FAM177A1: variants seen among roughly 807,000 people sequenced by gnomAD.
FAM177A1 encodes the protein protein FAM177A1.
Under a neutral mutation model 26.1 loss-of-function variants are expected in FAM177A1, and 22 were observed. The ratio of observed to expected loss-of-function variants is 0.84; its 90% CI spans 0.60 to 1.20. The LOEUF is 1.20. Ranked by LOEUF, FAM177A1 falls within the 50% of genes most tolerant of loss-of-function variation. FAM177A1 has a pLI of 0.00. For synonymous variants in FAM177A1, 95 were observed against 99.3 expected (o/e 0.96, Z 0.26); for missense variants, 296 against 291.1 (o/e 1.02, Z -0.12).
intron 3 of FAM177A1, among the ~76,000 whole-genome samples, chr14:35,078,580 G>A (rs1263983305): frequency 2.0e-5 from 3 of 152,134 alleles, no homozygotes; most frequent in Non-Finnish European, 4.4e-5. Flanking sequence ...TTGAAGTCCT[G>A]ACCTCATGTG....
intron 2 of FAM177A1, among the ~76,000 whole-genome samples, chr14:35,072,449 C>T (rs2045336993): frequency 6.6e-6 from 1 of 152,102 alleles, no homozygotes; most frequent in Non-Finnish European, 1.5e-5. Context: ...TTAGGCATGG[C>T]AGGAGGTGGA....
chr14:35,053,942 A>G (rs2045019382), intron 2 of FAM177A1, among the ~76,000 whole-genome samples: 1 of 152,120 alleles, frequency 6.6e-6, no homozygotes, highest in Admixed American at 6.6e-5. Flanking sequence ...GCGGTGAACC[A>G]AGGTTATGCC....
Position 35,051,618 on chromosome 14 carries a change from G to A in FAM177A1, c.166-1660G>A, listed in dbSNP as rs568695153. 1.3e-4 allele frequency among the ~76,000 whole-genome samples: 20 copies of A among 152,208 alleles called. No individual in the cohort carries two copies. The East Asian group carries it at 3.5e-3, about 26-fold the overall frequency. ...AGTAAAGTTGGGGTTTTGCCATGTT[G>A]GCCAGCCTGGTCTCGAACTCCTCAC... On this transcript the variant is annotated intron_variant, in intron 1 of 4. Coordinates refer to ENST00000280987, the MANE Select transcript of FAM177A1 (RefSeq NM_173607.5).
intron 2 of FAM177A1, among the ~76,000 whole-genome samples, chr14:35,070,114 C>CAAAAAAAAAAAAAAA (rs746133319): frequency 2.0e-4 from 11 of 53,822 alleles, no homozygotes; most frequent in African/African-American, 4.1e-4. Context: ...GACTCTGTCT[C>CAAAAAAAAAAAAAAA]AAAAAAAAAA....
At chr14:35,068,737 C>G (rs530440310) in intron 2 of FAM177A1, among the ~76,000 whole-genome samples, 1 of 152,306 alleles carries the variant, frequency 6.6e-6, no homozygotes, top group African/African-American at 2.4e-5. Context: ...TGGAATACCA[C>G]AGACTGGGTA....
intron 2 of FAM177A1, among the ~76,000 whole-genome samples, chr14:35,065,440 T>C (rs1441000778): frequency 6.6e-6 from 1 of 150,504 alleles, no homozygotes; most frequent in East Asian, 2.0e-4. Context: ...AACCAAAGAC[T>C]TCCACCTGAA....
At chr14:35,068,419 C>T (rs2045271002) in intron 2 of FAM177A1, among the ~76,000 whole-genome samples, 2 of 152,174 alleles carry the variant, frequency 1.3e-5, no homozygotes, top group Admixed American at 1.3e-4. Flanking sequence ...TGTACTTTGG[C>T]ATGTATGCAC....
rs140572611 is a variant in FAM177A1, at chr14:35,063,004, G to T, written c.339+9553G>T. 1.6e-3 allele frequency among the ~76,000 whole-genome samples: 245 copies of T among 149,572 alleles called. 1 individual carries two copies. The highest frequency in any genetic ancestry group is 5.8e-3 in the African/African-American group (239 of 40,910). On this transcript the variant is annotated intron_variant, in intron 2 of 4. Transcript: ENST00000280987. ...ATCATTTAAAAAAAAAAAAAGGTCG[G>T]GTGCGGTGGACCACGCCTGTAATCC...
chr14:35,066,418 T>C (rs1485260560), intron 2 of FAM177A1, among the ~76,000 whole-genome samples: 6 of 149,402 alleles, frequency 4.0e-5, no homozygotes, highest in Non-Finnish European at 8.9e-5. Flanking sequence ...TTTTTTTTTT[T>C]TTTTTGAGAC....
chr14:35,064,564 TA>T (rs763167565), intron 2 of FAM177A1, among the ~76,000 whole-genome samples: 3 of 152,152 alleles, frequency 2.0e-5, no homozygotes, highest in Admixed American at 6.6e-5. Context: ...AATTTATACT[TA>T]GGAAATGTGA....
At chr14:35,079,208 A>G (rs1385664185) in intron 4 of FAM177A1, among the ~76,000 whole-genome samples, 184 bp downstream of exon 4, 1 of 152,148 alleles carries the variant, frequency 6.6e-6, no homozygotes, top group Non-Finnish European at 1.5e-5. Context: ...TTTAAACTGG[A>G]ATTTTCCTAT....
chr14:35,066,002 T>C (rs920718919), intron 2 of FAM177A1, among the ~76,000 whole-genome samples: 1 of 151,564 alleles, frequency 6.6e-6, no homozygotes, highest in Non-Finnish European at 1.5e-5. Context: ...GCACCCTGCC[T>C]AGAAACAAAG....
At chr14:35,062,793 C>CA (rs11285301) in intron 2 of FAM177A1, among the ~76,000 whole-genome samples, 146 of 64,448 alleles carry the variant, frequency 2.3e-3, no homozygotes, top group African/African-American at 2.3e-3. Context: ...GACCCTGTCT[C>CA]AAAAAAAAAA....
At chr14:35,055,441 G>GTTTT (rs770110194) in intron 2 of FAM177A1, among the ~76,000 whole-genome samples, 1 of 136,764 alleles carries the variant, frequency 7.3e-6, no homozygotes, top group Non-Finnish European at 1.6e-5. Context: ...TGCAATAACT[G>GTTTT]TTTTTTTTTT....
chr14:35,065,472 TGATAA>T (rs755909179), intron 2 of FAM177A1, among the ~76,000 whole-genome samples: 4 of 151,792 alleles, frequency 2.6e-5, no homozygotes, highest in East Asian at 1.9e-4. Context: ...AATTTTTCTC[TGATAA>T]GATAAGCACA....
Position 35,081,450 on chromosome 14 carries a change from C to T in FAM177A1, c.*222C>T. The stretch of plus-strand genomic sequence containing the variant: ...TTTTTACTGTGTATAGAAATTAGTG[C>T]TTTGGTTTTAAAATGATCTTTTAAA... On this transcript the variant is annotated 3_prime_UTR_variant, in exon 5 of 5. Transcript: ENST00000280987. 2.7e-6 allele frequency: 1 copy of T among 377,274 alleles called. No homozygotes were observed. The highest frequency in any genetic ancestry group is 4.5e-6 in the Non-Finnish European group (1 of 221,174). The allele number at this position is 377,274 out of a possible 1,614,324, so 23.4% of individuals were successfully genotyped here. A position where few individuals can be genotyped will look rare whatever the true frequency, so the allele number is the denominator to read the frequency against.
At chr14:35,068,391 C>G (rs1440386480) in intron 2 of FAM177A1, among the ~76,000 whole-genome samples, 2 of 152,198 alleles carry the variant, frequency 1.3e-5, no homozygotes, top group African/African-American at 4.8e-5. Context: ...TTACTCTCTA[C>G]TCGTCTGCAT....
chr14:35,056,718 G>T, intron 2 of FAM177A1, among the ~76,000 whole-genome samples: 1 of 152,002 alleles, frequency 6.6e-6, no homozygotes, highest in East Asian at 1.9e-4. Context: ...TTTCTTTGTG[G>T]GTAGTTTTTT....
At chr14:35,077,126 T>C in intron 2 of FAM177A1, 24 bp from the exon 3 acceptor site, 1 of 1,591,758 alleles carries the variant, frequency 6.3e-7, no homozygotes, top group Non-Finnish European at 8.6e-7. Flanking sequence ...GTATGAATGT[T>C]GCTAACATGA....
Sources: allele counts gnomAD v4.1 joint callset (sites outside exome capture counted in the v4.1 genomes callset), GRCh38; gene constraint gnomAD v4.1.1; transcripts MANE v1.5; gene names NCBI Gene and HGNC (gene_info 2026-07-23, HGNC 2026-07-21).